Variants in DYM observed in about 807,000 individuals in gnomAD.
The protein encoded by DYM is dyggve-Melchior-Clausen syndrome protein.
Under a neutral mutation model 93.1 loss-of-function variants are expected in DYM, and 78 were observed. That is an observed-to-expected ratio of 0.84 (90% CI 0.70 to 1.01). The LOEUF (loss-of-function observed/expected upper bound fraction) is 1.01, where lower values mean the gene tolerates loss of function less well. Ranked by LOEUF, DYM falls within the 50% of genes least tolerant of loss-of-function variation. The probability of loss-of-function intolerance (pLI) is 0.00; values close to 1 mark genes in which losing one functional copy is unlikely to be tolerated. For synonymous variants in DYM, 321 were observed against 319.7 expected, an observed-to-expected ratio of 1.00 and a Z score of -0.04; for missense variants, 789 against 845.0, an observed-to-expected ratio of 0.93 and a Z score of 0.82.
chr18:49,273,706 G>T (rs1205442224), intron 10 of DYM, among the ~76,000 whole-genome samples: 1 of 152,096 alleles, frequency 6.6e-6, no homozygotes, highest in Non-Finnish European at 1.5e-5. Flanking sequence ...CTACGATCTA[G>T]GTTTGTGTAA....
chr18:49,140,872 CA>C lies in DYM; in HGVS notation c.1729-21947del, dbSNP rs369500939. Among the ~76,000 whole-genome samples the C allele has an allele frequency of 1.9e-4, 29 of 152,272 alleles. No homozygotes were observed. The East Asian group carries it at 5.4e-3, about 28-fold the overall frequency. On this transcript the variant is annotated intron_variant, in intron 15 of 17. Coordinates refer to ENST00000675505, the MANE Select transcript of DYM (RefSeq NM_001353214.3). ...TAGCTACTTGTCAGTTTATACTATTCAAAATAATCCCCACTTTTCCATGCCC... is the reference window on the plus strand; with the variant it reads ...TAGCTACTTGTCAGTTTATACTATTCAAATAATCCCCACTTTTCCATGCCC...
chr18:49,118,696 T>C lies in DYM; in HGVS notation c.1911+48A>G, dbSNP rs776421684. On this transcript the variant is annotated intron_variant, in intron 16 of 17. Transcript: ENST00000675505. ...CCAAGGCTTATTAAACATTCTCTGC[T>C]TTAATACTTAAAAAAGAATCATAAT... The C allele has an allele frequency of 4.5e-6, 7 of 1,549,948 alleles. No homozygotes were observed. The Admixed American group carries it at 5.0e-5, about 11-fold the overall frequency.
At chr18:49,419,027 TCC>T (rs1284423102) in intron 2 of DYM, among the ~76,000 whole-genome samples, 3 of 152,138 alleles carry the variant, frequency 2.0e-5, no homozygotes, top group Non-Finnish European at 4.4e-5. Flanking sequence ...CTTTCTAAGA[TCC>T]CTTTATACGT....
chr18:49,211,159 C>T (rs2092764523), intron 13 of DYM, among the ~76,000 whole-genome samples: 1 of 152,146 alleles, frequency 6.6e-6, no homozygotes, highest in Admixed American at 6.5e-5. Flanking sequence ...CACCCATTGG[C>T]AGCTTTATAA....
intron 17 of DYM, among the ~76,000 whole-genome samples, chr18:49,065,076 C>T (rs184183054): frequency 2.0e-5 from 3 of 152,084 alleles, no homozygotes. Flanking sequence ...ACTTGTTTAG[C>T]CACTTCATTA....
chr18:49,293,585 G>A (rs997409006), intron 8 of DYM, among the ~76,000 whole-genome samples: 48 of 152,272 alleles, frequency 3.2e-4, no homozygotes, highest in African/African-American at 1.2e-3. Flanking sequence ...CAGTGATGAT[G>A]AGCTTTCATA....
At chr18:49,122,610 T>G (rs1451637212) in intron 15 of DYM, among the ~76,000 whole-genome samples, 1 of 152,200 alleles carries the variant, frequency 6.6e-6, no homozygotes, top group Admixed American at 6.5e-5. Context: ...GTATAATTAT[T>G]TCATTATATA....
At chr18:49,271,971 G>T (rs528849083) in intron 11 of DYM, among the ~76,000 whole-genome samples, 1 of 141,088 alleles carries the variant, frequency 7.1e-6, no homozygotes, top group South Asian at 2.3e-4. Flanking sequence ...GAACCATTTT[G>T]AGAGAGTTTT....
At chr18:49,258,974 G>GAA (rs1417772743) in intron 11 of DYM, among the ~76,000 whole-genome samples, 2 of 74,414 alleles carry the variant, frequency 2.7e-5, no homozygotes, top group African/African-American at 8.6e-5. Flanking sequence ...TAAAATGGGG[G>GAA]AAAAAACAAA....
chr18:49,247,597 A>G (rs540916241), intron 13 of DYM, among the ~76,000 whole-genome samples: 1 of 152,344 alleles, frequency 6.6e-6, no homozygotes, highest in South Asian at 2.1e-4. Context: ...GCTGTGTGGC[A>G]ATTTTGTCCA....
intron 10 of DYM, among the ~76,000 whole-genome samples, chr18:49,281,087 A>G (rs1457104265): frequency 6.6e-6 from 1 of 152,268 alleles, no homozygotes; most frequent in Non-Finnish European, 1.5e-5. Context: ...ATCTGCAATG[A>G]ACTCCAACAA....
intron 17 of DYM, among the ~76,000 whole-genome samples, chr18:49,078,827 C>A (rs1333599644): frequency 1.3e-5 from 2 of 152,216 alleles, no homozygotes; most frequent in South Asian, 2.1e-4. Flanking sequence ...TCCTTCCTCT[C>A]TGAAAGCCTG....
At chr18:49,435,655 G>A (rs1467522997) in intron 1 of DYM, among the ~76,000 whole-genome samples, 1 of 151,976 alleles carries the variant, frequency 6.6e-6, no homozygotes, top group East Asian at 1.9e-4. Context: ...CAGGTGAAGT[G>A]TCAGGCGTCT....
intron 13 of DYM, among the ~76,000 whole-genome samples, chr18:49,217,667 G>A: frequency 6.6e-6 from 1 of 152,156 alleles, no homozygotes; most frequent in Non-Finnish European, 1.5e-5. Context: ...CTTCATAAGT[G>A]AAGGAGAAAT....
At chr18:49,129,458 C>T (rs1568466044) in intron 15 of DYM, among the ~76,000 whole-genome samples, 1 of 152,196 alleles carries the variant, frequency 6.6e-6, no homozygotes, top group South Asian at 2.1e-4. Flanking sequence ...GGGTCAAGTA[C>T]CTCTTCTAAG....
Position 49,039,818 on chromosome 18 carries a change from T to C in DYM, c.*4237A>G, listed in dbSNP as rs2143971580. 6.6e-6 allele frequency among the ~76,000 whole-genome samples: 1 copy of C among 152,364 alleles called. No homozygotes were observed. On this transcript the variant is annotated 3_prime_UTR_variant, in exon 18 of 18. Coordinates refer to ENST00000675505, the MANE Select transcript of DYM (RefSeq NM_001353214.3). ...TTTTTGAACACAGTAACCATAGCTG[T>C]TTTAAATTCTGCGACAACTTTATCT... is the stretch of plus-strand genomic sequence containing the variant.
chr18:49,319,619 G>A (rs937499211), intron 8 of DYM, among the ~76,000 whole-genome samples: 1 of 152,130 alleles, frequency 6.6e-6, no homozygotes, highest in Admixed American at 6.5e-5. Context: ...ATTTAAATGT[G>A]ACAAAAGCCC....
chr18:49,149,180 T>C (rs1327237773), intron 15 of DYM, among the ~76,000 whole-genome samples: 3 of 152,136 alleles, frequency 2.0e-5, no homozygotes, highest in African/African-American at 7.2e-5. Context: ...GCTGCTGATC[T>C]GGCAGGTGGT....
chr18:49,197,919 C>T (rs1600550195), intron 14 of DYM, among the ~76,000 whole-genome samples: 1 of 152,178 alleles, frequency 6.6e-6, no homozygotes, highest in East Asian at 1.9e-4. Flanking sequence ...GCCCGCATCG[C>T]CAAGTCAATC....
Sources: gnomAD v4.1 joint callset for allele counts (sites outside exome capture counted in the v4.1 genomes callset) on GRCh38, gnomAD v4.1.1 for gene constraint, MANE v1.5 for transcripts, NCBI Gene and HGNC (gene_info 2026-07-23, HGNC 2026-07-21) for gene names.